Variants in DCAF5 observed in about 807,000 individuals in gnomAD.
DCAF5 encodes the protein DDB1- and CUL4-associated factor 5.
Under a neutral mutation model 80.7 loss-of-function variants are expected in DCAF5, and 9 were observed. The observed-to-expected ratio is 0.11, with a 90% CI of 0.07 to 0.19. The LOEUF (loss-of-function observed/expected upper bound fraction) is 0.19, where lower values mean the gene tolerates loss of function less well. Ranked by LOEUF, DCAF5 falls within the 10% of genes least tolerant of loss-of-function variation. DCAF5 has a pLI of 1.00. For synonymous variants in DCAF5, 433 were observed against 461.9 expected, an observed-to-expected ratio of 0.94 and a Z score of 0.80; for missense variants, 842 against 1,205.7, an observed-to-expected ratio of 0.70 and a Z score of 4.47.
At chr14:69,077,365 C>CTTATTTATTTATTTAT (rs71953676) in intron 6 of DCAF5, among the ~76,000 whole-genome samples, 3,152 of 143,992 alleles carry the variant, frequency 0.022, 114 homozygotes, top group African/African-American at 0.071. Flanking sequence ...CGACATGTAG[C>CTTATTTATTTATTTAT]TTATTTATTT....
Position 69,132,765 on chromosome 14 carries a change from A to G in DCAF5, c.215-10405T>C, listed in dbSNP as rs541905976. ...AAAACCACAGGCTTAGTCTCCACGT[A>G]GTAAGACATAGGAAAAAATAATAAG... On this transcript the variant is annotated intron_variant, in intron 1 of 8. Transcript: ENST00000341516. Among the ~76,000 whole-genome samples the G allele has an allele frequency of 9.2e-5, 14 of 152,318 alleles. No homozygotes were observed. In the East Asian group the frequency reaches 2.3e-3, roughly 25 times the overall value.
At chr14:69,109,490 C>G (rs766297205) in intron 5 of DCAF5, among the ~76,000 whole-genome samples, 8 of 152,156 alleles carry the variant, frequency 5.3e-5, no homozygotes, top group Non-Finnish European at 1.0e-4. Flanking sequence ...CTTCCTTAGT[C>G]AATACCTTAC....
At chr14:69,064,019 G>C (rs1456954568) in intron 7 of DCAF5, among the ~76,000 whole-genome samples, 1 of 152,194 alleles carries the variant, frequency 6.6e-6, no homozygotes, top group African/African-American at 2.4e-5. Flanking sequence ...AGGATTAGTG[G>C]ATTTTTCATG....
At chr14:69,132,781 AAAT>A (rs1460793067) in intron 1 of DCAF5, among the ~76,000 whole-genome samples, 1 of 152,196 alleles carries the variant, frequency 6.6e-6, no homozygotes, top group Non-Finnish European at 1.5e-5. Context: ...ACATAGGAAA[AAAT>A]AATAAGAAAA....
intron 1 of DCAF5, among the ~76,000 whole-genome samples, chr14:69,142,870 GT>G (rs1183234915): frequency 4.6e-5 from 7 of 152,122 alleles, no homozygotes; most frequent in Non-Finnish European, 8.8e-5. Context: ...CACATATATT[GT>G]TTTTACTTTT....
At chr14:69,062,630 C>T in intron 7 of DCAF5, 119 bp from the exon 8 acceptor site, 1 of 1,080,448 alleles carries the variant, frequency 9.3e-7, no homozygotes, top group Non-Finnish European at 1.3e-6. Context: ...ATACCACCAG[C>T]AGAATGCTTA....
chr14:69,114,057 T>C (rs1381035059), intron 5 of DCAF5, among the ~76,000 whole-genome samples: 1 of 152,172 alleles, frequency 6.6e-6, no homozygotes, highest in South Asian at 2.1e-4. Context: ...ATATCATTTT[T>C]CCCCCATAAT....
At chr14:69,065,921 G>C (rs1001404953) in intron 7 of DCAF5, among the ~76,000 whole-genome samples, 1 of 152,132 alleles carries the variant, frequency 6.6e-6, no homozygotes, top group African/African-American at 2.4e-5. Context: ...TTAAGACTGT[G>C]GGTAAGGGCC....
At chr14:69,106,703 C>A (rs2040173396) in intron 5 of DCAF5, among the ~76,000 whole-genome samples, 1 of 152,048 alleles carries the variant, frequency 6.6e-6, no homozygotes, top group Admixed American at 6.5e-5. Flanking sequence ...AAAAGTCTTA[C>A]CATAAAAATT....
At chr14:69,092,735 T>C (rs976640563) in intron 5 of DCAF5, among the ~76,000 whole-genome samples, 3 of 152,224 alleles carry the variant, frequency 2.0e-5, no homozygotes, top group African/African-American at 7.2e-5. Flanking sequence ...CTATATAGCA[T>C]GATAATAAGT....
At chr14:69,119,748 T>C (rs947907326) in intron 2 of DCAF5, among the ~76,000 whole-genome samples, 28 of 151,004 alleles carry the variant, frequency 1.9e-4, no homozygotes, top group Admixed American at 9.2e-4. Context: ...AAAACAAAAC[T>C]GTGGCCATCA....
intron 1 of DCAF5, among the ~76,000 whole-genome samples, chr14:69,145,388 A>G (rs10141040): frequency 0.38 from 57,511 of 151,966 alleles, 12,097 homozygotes; most frequent in East Asian, 0.91. Flanking sequence ...CACGTTAGCT[A>G]ATTTTTCTAA....
At chr14:69,117,677 G>A (rs2040584013) in intron 4 of DCAF5, among the ~76,000 whole-genome samples, 2 of 152,104 alleles carry the variant, frequency 1.3e-5, no homozygotes, top group Non-Finnish European at 2.9e-5. Flanking sequence ...ACATTCAGAG[G>A]AGGCACTCAC....
intron 7 of DCAF5, among the ~76,000 whole-genome samples, chr14:69,074,516 C>A (rs2139897650): frequency 6.6e-6 from 1 of 152,182 alleles, no homozygotes; most frequent in South Asian, 2.1e-4. Context: ...TTTCAGAATA[C>A]AATTATAGCA....
At chr14:69,081,591 G>C (rs548265685) in intron 6 of DCAF5, among the ~76,000 whole-genome samples, 4 of 152,004 alleles carry the variant, frequency 2.6e-5, no homozygotes, top group Non-Finnish European at 4.4e-5. Context: ...TAACTTGCTC[G>C]AGCATAGGAA....
chr14:69,070,994 C>G (rs1157471744), intron 7 of DCAF5, among the ~76,000 whole-genome samples: 1 of 152,082 alleles, frequency 6.6e-6, no homozygotes, highest in Non-Finnish European at 1.5e-5. Flanking sequence ...GACAGTGTTT[C>G]ACTATGTTAG....
At chr14:69,093,342 G>C (rs1035514440) in intron 5 of DCAF5, among the ~76,000 whole-genome samples, 2 of 152,120 alleles carry the variant, frequency 1.3e-5, no homozygotes, top group Admixed American at 6.5e-5. Flanking sequence ...AGTAGTTTTA[G>C]AGAAAAAAGT....
chr14:69,123,210 G>A (rs902670639), intron 1 of DCAF5, among the ~76,000 whole-genome samples: 1 of 152,168 alleles, frequency 6.6e-6, no homozygotes, highest in Non-Finnish European at 1.5e-5. Context: ...TACCCGTTAA[G>A]GGGGAAAATG....
At chr14:69,107,051 A>ATAAT in intron 5 of DCAF5, among the ~76,000 whole-genome samples, 1 of 62,030 alleles carries the variant, frequency 1.6e-5, no homozygotes, top group East Asian at 1.2e-3. Flanking sequence ...CAAAAAATAA[A>ATAAT]TAAATAATTA....
Sources: allele counts gnomAD v4.1 joint callset (sites outside exome capture counted in the v4.1 genomes callset), GRCh38; gene constraint gnomAD v4.1.1; transcripts MANE v1.5; gene names NCBI Gene and HGNC (gene_info 2026-07-23, HGNC 2026-07-21).